Variants in RDH10 observed in about 807,000 individuals in gnomAD.
RDH10 encodes retinol dehydrogenase 10.
A neutral mutation model predicts 30.2 loss-of-function variants in RDH10; 12 were observed. That is an observed-to-expected ratio of 0.40 (90% CI 0.25 to 0.64). RDH10 has a LOEUF of 0.64. Ranked by LOEUF, RDH10 falls within the 30% of genes least tolerant of loss-of-function variation. RDH10 has a pLI of 0.43. For missense variants in RDH10, 268 were observed against 445.2 expected, an observed-to-expected ratio of 0.60 and a Z score of 3.58; for synonymous variants, 189 against 172.2, an observed-to-expected ratio of 1.10 and a Z score of -0.76.
intron 2 of RDH10, among the ~76,000 whole-genome samples, chr8:73,316,158 A>G (rs1301776211): frequency 2.6e-5 from 4 of 152,248 alleles, no homozygotes; most frequent in Admixed American, 6.5e-5. Context: ...TTGAGACTAC[A>G]GGCACACACC....
intron 3 of RDH10, among the ~76,000 whole-genome samples, chr8:73,320,439 T>TG (rs1186460458): frequency 1.3e-5 from 2 of 150,260 alleles, no homozygotes; most frequent in African/African-American, 4.9e-5. Context: ...ATCTGGTTTG[T>TG]GTTTTTTTTT....
At chr8:73,322,034 T>TG (rs1814780591) in intron 4 of RDH10, 1 of 455,810 alleles carries the variant, frequency 2.2e-6, no homozygotes, top group Admixed American at 2.4e-5. Flanking sequence ...CTGAGGGTCT[T>TG]GCGGAGCTCT....
intron 2 of RDH10, among the ~76,000 whole-genome samples, chr8:73,302,877 C>A (rs1288304607): frequency 6.6e-6 from 1 of 152,184 alleles, no homozygotes; most frequent in Non-Finnish European, 1.5e-5. Context: ...CGAAGAGCTG[C>A]ATTTGGCCTT....
At chr8:73,318,613 C>G (rs1440248460) in intron 2 of RDH10, among the ~76,000 whole-genome samples, 3 of 152,210 alleles carry the variant, frequency 2.0e-5, no homozygotes, top group African/African-American at 7.2e-5. Context: ...GAGCATGCTG[C>G]TGGAGTATCT....
At chr8:73,316,995 G>A (rs1471265091) in intron 2 of RDH10, among the ~76,000 whole-genome samples, 2 of 152,094 alleles carry the variant, frequency 1.3e-5, no homozygotes, top group Admixed American at 1.3e-4. Flanking sequence ...ATTTGGGTGG[G>A]GGCACAGATC....
At chr8:73,318,439 AT>A (rs1814712345) in intron 2 of RDH10, among the ~76,000 whole-genome samples, 1 of 152,162 alleles carries the variant, frequency 6.6e-6, no homozygotes, top group Non-Finnish European at 1.5e-5. Context: ...GGTGAAACCC[AT>A]GTTGGAATGT....
chr8:73,310,977 A>G (rs1291110675), intron 2 of RDH10: 1 of 152,216 alleles, frequency 6.6e-6, no homozygotes, highest in African/African-American at 2.4e-5. Context: ...CAGCCGTGAC[A>G]TCATAGAAAT....
intron 2 of RDH10, among the ~76,000 whole-genome samples, chr8:73,315,117 C>G (rs1169448616): frequency 1.3e-5 from 2 of 151,726 alleles, no homozygotes; most frequent in Non-Finnish European, 2.9e-5. Context: ...GTTTCTCTTT[C>G]TCTCTCCCTT....
At chr8:73,296,841 G>A (rs935097819) in intron 1 of RDH10, among the ~76,000 whole-genome samples, 5 of 152,200 alleles carry the variant, frequency 3.3e-5, no homozygotes, top group Admixed American at 3.3e-4. Flanking sequence ...AAAGAGGAGT[G>A]TGTAGTGTGT....
intron 2 of RDH10, among the ~76,000 whole-genome samples, chr8:73,300,868 A>G (rs1213009802): frequency 2.0e-5 from 3 of 151,996 alleles, no homozygotes; most frequent in Non-Finnish European, 4.4e-5. Flanking sequence ...TTCTTGTTCA[A>G]CCCTTTGTTT....
In RDH10 at chr8:73,323,653, A is replaced by AT. The variant is rs34248272; in HGVS notation, c.*636dup. 38,207 of 134,880 alleles carry AT rather than the reference A, an allele frequency of 0.28. 5,786 individuals carry two copies. The highest frequency in any genetic ancestry group is 0.45 in the South Asian group (1,881 of 4,226). 8.4% of individuals were successfully genotyped at this position (134,880 alleles called of 1,614,324 possible). ...TCACAATGACTAAAGTATTAGTTGA[A>AT]TTTTTTTTTTTTTTTTTTTGATGGA... On this transcript the variant is annotated 3_prime_UTR_variant, in exon 6 of 6. Transcript: ENST00000240285.
At chr8:73,299,011 A>G (rs887516861) in intron 2 of RDH10, among the ~76,000 whole-genome samples, 1 of 151,964 alleles carries the variant, frequency 6.6e-6, no homozygotes. Flanking sequence ...GCGGGGTTGC[A>G]CCATGTTGAT....
rs1814286222 is a variant in RDH10 at position 73,297,369 on chromosome 8, G to A, written c.465G>A (p.Leu155=). The A allele has an allele frequency of 6.2e-7, 1 of 1,614,148 alleles. No homozygotes were observed. The highest frequency in any genetic ancestry group is 1.3e-5 in the African/African-American group (1 of 75,052). ...NAGVVSGHHL[L]ECPDELIERT... The stretch of plus-strand genomic sequence containing the variant: ...GTGTGGTCTCTGGGCATCACCTTCT[G>A]GAATGTCCTGATGAGCTCATTGAGA... The change falls in exon 2 of 6, where the codon CTG becomes CTA. Residue 155 remains leucine (L), a synonymous_variant. Transcript: ENST00000240285.
intron 2 of RDH10, among the ~76,000 whole-genome samples, chr8:73,315,162 C>A (rs1167373367): frequency 1.7e-5 from 2 of 114,602 alleles, no homozygotes; most frequent in Admixed American, 1.8e-4. Flanking sequence ...CTCTCTCTCC[C>A]CCCACCGGCC....
At chr8:73,315,010 C>T (rs1051796528) in intron 2 of RDH10, among the ~76,000 whole-genome samples, 4 of 152,164 alleles carry the variant, frequency 2.6e-5, no homozygotes, top group African/African-American at 9.7e-5. Context: ...CAGCATGTGT[C>T]GTACTTTACT....
At chr8:73,304,577 G>T (rs1814436691) in intron 2 of RDH10, among the ~76,000 whole-genome samples, 1 of 152,130 alleles carries the variant, frequency 6.6e-6, no homozygotes, top group Non-Finnish European at 1.5e-5. Context: ...TTCCAAAGCT[G>T]ATTTCCACCT....
chr8:73,320,320 A>G (rs564741882), intron 3 of RDH10, among the ~76,000 whole-genome samples: 43 of 152,176 alleles, frequency 2.8e-4, no homozygotes, highest in Non-Finnish European at 5.9e-4. Flanking sequence ...AGAATCCTTT[A>G]TGGTAACTTC....
chr8:73,310,337 A>T (rs1814542838), intron 2 of RDH10, among the ~76,000 whole-genome samples: 2 of 152,244 alleles, frequency 1.3e-5, no homozygotes, highest in African/African-American at 4.8e-5. Context: ...CCCTTCATTT[A>T]TGTAAAGATT....
intron 2 of RDH10, among the ~76,000 whole-genome samples, chr8:73,304,399 T>G (rs1814433792): frequency 6.6e-6 from 1 of 152,214 alleles, no homozygotes; most frequent in South Asian, 2.1e-4. Flanking sequence ...ACCTCTTGCC[T>G]GGACTCTTGA....
Sources: allele counts gnomAD v4.1 joint callset (sites outside exome capture counted in the v4.1 genomes callset), GRCh38; gene constraint gnomAD v4.1.1; transcripts MANE v1.5; gene names NCBI Gene and HGNC (gene_info 2026-07-23, HGNC 2026-07-21).